The following DQX1 variants were observed in gnomAD, a reference collection of about 807,000 sequenced individuals.
DQX1 encodes the protein DEAQ-box RNA dependent ATPase 1, also known as ATP-dependent RNA helicase homolog DQX1.
DQX1 carries 66 observed loss-of-function variants against 81.3 expected under a neutral mutation model. The observed-to-expected ratio is 0.81, with a 90% CI of 0.67 to 1.00. DQX1 has a LOEUF of 1.00. DQX1 is among the 50% of genes least tolerant of loss of function. The pLI, the probability that DQX1 is intolerant of heterozygous loss-of-function variation, is 0.00. For missense variants in DQX1, 798 were observed against 867.9 expected, an observed-to-expected ratio of 0.92 and a Z score of 1.01; for synonymous variants, 290 against 350.0, an observed-to-expected ratio of 0.83 and a Z score of 1.91.
At chr2:74,522,508 A>G in intron 8 of DQX1, 72 bp downstream of exon 8, 1 of 1,541,504 alleles carries the variant, frequency 6.5e-7, no homozygotes, top group African/African-American at 1.4e-5. Flanking sequence ...GGCTAGCCTC[A>G]GGAGCACCAA....
Position 74,519,625 on chromosome 2 carries a change from T to C in DQX1, c.1737A>G (p.Leu579=). 1.2e-6 allele frequency: 2 copies of C among 1,614,218 alleles called. No individual in the cohort carries two copies. The highest frequency in any genetic ancestry group is 1.7e-6 in the Non-Finnish European group (2 of 1,180,026). The change falls in exon 10 of 12, where the codon CTA becomes CTG. Residue 579 remains leucine, a synonymous_variant. Coordinates refer to ENST00000404568, the MANE Select transcript of DQX1 (RefSeq NM_133637.3). ...LMQRIELPLS[L]PAFGSEQNRR... ...GATTCTGCTCAGAGCCAAAGGCTGG[T>C]AGGGACAAGGGAAGTTCAATTCGTT...
chr2:74,525,276 G>A lies in DQX1; in HGVS notation c.238-74C>T. 7.0e-7 allele frequency: 1 copy of A among 1,424,354 alleles called. No homozygotes were observed. Among genetic ancestry groups the A allele is most frequent in the South Asian group, 1.5e-5 (1 of 68,702 alleles). The allele number at this position is 1,424,354 out of a possible 1,614,324, so 88.2% of individuals were successfully genotyped here. A position where few individuals can be genotyped will look rare whatever the true frequency, so the allele number is the denominator to read the frequency against. The stretch of plus-strand genomic sequence containing the variant: ...CAGTCAGAAGTGCTCAGGGAACTAT[G>A]GCCACTTTAATCTTTCCTTATTTGG... On this transcript the variant is annotated intron_variant, in intron 2 of 11. Coordinates refer to ENST00000404568, the MANE Select transcript of DQX1 (RefSeq NM_133637.3). This position sits in a 1 kb window ranked among gnomAD's most constrained non-coding sequence, Gnocchi z 4.1.
chr2:74,523,356 A>G lies in DQX1; in HGVS notation c.998T>C (p.Leu333Pro), dbSNP rs1288080674. ...GTCGATGACATGTTGGATGGAAGGG[A>G]GGGAGAAGGAGAAGTCAGCCAGCCA... ...THWLADFSFS[L>P]PSIQHVIDSG... is the part of the protein sequence containing the mutation. Residue 333 changes from leucine (L) to proline (P), a missense_variant, in exon 5 of 12, where the codon CTC (leucine) becomes CCC (proline). Transcript: ENST00000404568. The G allele has an allele frequency of 2.2e-5, 36 of 1,614,044 alleles. No individual in the cohort carries two copies. Among genetic ancestry groups the G allele is most frequent in the Non-Finnish European group, 3.1e-5 (36 of 1,180,008 alleles).
chr2:74,519,147 G>A lies in DQX1; in HGVS notation c.1890C>T (p.Tyr630=), dbSNP rs1315213976. ...GTCTGGCAGGAGCTCTGCGGCTTCG[G>A]TAGCAGCAGTATGAGGAGAGCTGGG... ...HVAQLSSYCC[Y]RSRRAPARPP... is the part of the protein sequence containing the mutation. The change falls in exon 11 of 12, where the codon TAC becomes TAT. Residue 630 remains tyrosine, a synonymous_variant. Transcript: ENST00000404568. 3 of 1,613,504 alleles carry A rather than the reference G, an allele frequency of 1.9e-6. No individual in the cohort carries two copies. Among genetic ancestry groups the A allele is most frequent in the South Asian group, 1.1e-5 (1 of 91,020 alleles).
chr2:74,519,380 C>T (rs1004785473), intron 10 of DQX1, 150 bp from the exon 11 acceptor site: 2 of 1,243,524 alleles, frequency 1.6e-6, no homozygotes, highest in Non-Finnish European at 2.2e-6. Context: ...TCTACTATAC[C>T]TCATGGCATT....
At chr2:74,519,470 AC>A in intron 10 of DQX1, 85 bp downstream of exon 10, 1 of 1,525,216 alleles carries the variant, frequency 6.6e-7, no homozygotes, top group Non-Finnish European at 8.9e-7. Context: ...GGCCACCTGG[AC>A]CCTGATTTCA....
At chr2:74,519,274 G>C in intron 10 of DQX1, 44 bp from the exon 11 acceptor site, 1 of 1,518,496 alleles carries the variant, frequency 6.6e-7, no homozygotes, top group Non-Finnish European at 8.8e-7. Flanking sequence ...TAAAAGGGAA[G>C]AGGCAGGCAG....
intron 8 of DQX1, among the ~76,000 whole-genome samples, chr2:74,520,359 T>C (rs1015654649): frequency 6.6e-6 from 1 of 152,206 alleles, no homozygotes; most frequent in Non-Finnish European, 1.5e-5. Flanking sequence ...ATGTGAGTGA[T>C]GTAAGAGAAA....
At position 74,519,935 on chromosome 2, in the gene DQX1, A is replaced by G. The variant is rs762107543; in HGVS notation, c.1595T>C (p.Val532Ala). 4.3e-6 allele frequency: 7 copies of G among 1,614,168 alleles called. No individual in the cohort carries two copies. In the Admixed American group the frequency reaches 1.0e-4, roughly 23 times the overall value. The stretch of plus-strand genomic sequence containing the variant: ...CTCACTTTGTATAAAGGCTTCATAC[A>G]CCTGGATCAGAGAACTGTGGTCACC... ...TDGDHSSLIQVYEAFIQSGAD... is the reference protein window; with the variant it reads ...TDGDHSSLIQAYEAFIQSGAD... The change falls in exon 9 of 12, where the codon GTG becomes GCG. Residue 532 changes from valine (V) to alanine (A), a missense_variant. Val to Ala is a moderately conservative substitution (Grantham distance 64). Transcript: ENST00000404568.
In DQX1 at chr2:74,523,008, C is replaced by T; in HGVS notation, c.1151G>A (p.Cys384Tyr). ...GAAGGACTTAGGATACAGGCAGAGGCAGGATCCTGAGGGGAAAAAGACCTG... is the reference window on the plus strand; with the variant it reads ...GAAGGACTTAGGATACAGGCAGAGGTAGGATCCTGAGGGGAAAAAGACCTG... ...LRARGFPPGS[C>Y]LCLYPKSFLE... Residue 384 changes from cysteine to tyrosine, a missense_variant, in exon 7 of 12, where the codon TGC becomes TAC. Coordinates refer to ENST00000404568, the MANE Select transcript of DQX1 (RefSeq NM_133637.3). The T allele has an allele frequency of 6.2e-7, 1 of 1,614,108 alleles. No homozygotes were observed. Among genetic ancestry groups the T allele is most frequent in the Non-Finnish European group, 8.5e-7 (1 of 1,179,998 alleles).
At chr2:74,521,871 T>C (rs528037458) in intron 8 of DQX1, among the ~76,000 whole-genome samples, 1 of 152,056 alleles carries the variant, frequency 6.6e-6, no homozygotes, top group East Asian at 1.9e-4. Context: ...GGGTGAGAGA[T>C]ACACGGCACA....
chr2:74,524,019 G>T lies in DQX1; in HGVS notation c.720C>A (p.Ile240=), dbSNP rs1370818451. 2.5e-6 allele frequency: 4 copies of T among 1,614,062 alleles called. No homozygotes were observed. Among genetic ancestry groups the T allele is most frequent in the Non-Finnish European group, 3.4e-6 (4 of 1,180,028 alleles). The change falls in exon 4 of 12, where the codon ATC becomes ATA. Residue 240 remains isoleucine (I), a synonymous_variant. Transcript: ENST00000404568. ...AGGCAGCTTCCACCCGATCAGGTGG[G>T]ATGGTGTCCCAGTAGATGGGGGAAG... ...ERPSPIYWDT[I]PPDRVEAACQ...
intron 8 of DQX1, 31 bp downstream of exon 8, chr2:74,522,549 A>G (rs891508045): frequency 1.1e-5 from 18 of 1,592,162 alleles, no homozygotes; most frequent in Non-Finnish European, 1.5e-5. Flanking sequence ...AGTGGTTTCA[A>G]GAGCTATGGA....
At chr2:74,521,648 T>A (rs150706352) in intron 8 of DQX1, among the ~76,000 whole-genome samples, 67 of 145,572 alleles carry the variant, frequency 4.6e-4, no homozygotes, top group African/African-American at 1.3e-3. Flanking sequence ...AGACTTTGTC[T>A]GAAAAAAAAA....
intron 11 of DQX1, 27 bp downstream of exon 11, chr2:74,519,013 G>A (rs1674956715): frequency 1.3e-6 from 2 of 1,550,018 alleles, no homozygotes; most frequent in Admixed American, 1.9e-5. Context: ...GGAATAGGCA[G>A]TATAGGAGGG....
At chr2:74,524,391 G>A (rs1277277916) in intron 3 of DQX1, 84 bp from the exon 4 acceptor site, 14 of 1,504,544 alleles carry the variant, frequency 9.3e-6, no homozygotes, top group South Asian at 6.5e-5. Context: ...CCCAAGGGAC[G>A]TATATTTTGA....
Position 74,525,684 on chromosome 2 carries a change from G to A in DQX1, c.46C>T (p.Pro16Ser). The stretch of plus-strand genomic sequence containing the variant: ...TTCACAGCCAGTTCAGACTCCCCAG[G>A]ACTTGGGCCATACTCTTCTGCTAGC... ...LRLAEEYGPSPGESELAVNPF... is the reference protein window; with the variant it reads ...LRLAEEYGPSSGESELAVNPF... Residue 16 changes from proline (P) to serine (S), a missense_variant, in exon 2 of 12, where the codon CCT becomes TCT. By Grantham distance (74) the Pro-to-Ser change is moderately conservative. Transcript: ENST00000404568. This position sits in a 1 kb window ranked among gnomAD's most constrained non-coding sequence, Gnocchi z 4.1. 6.4e-7 allele frequency: 1 copy of A among 1,551,706 alleles called. No homozygotes were observed. Among genetic ancestry groups the A allele is most frequent in the Non-Finnish European group, 8.7e-7 (1 of 1,146,998 alleles).
Position 74,525,063 on chromosome 2 carries a change from T to G in DQX1, c.377A>C (p.Glu126Ala). Residue 126 changes from glutamate (E) to alanine (A), a missense_variant, in exon 3 of 12, where the codon GAG becomes GCG. Transcript: ENST00000404568. This position sits in a 1 kb window ranked among gnomAD's most constrained non-coding sequence, Gnocchi z 4.1. ...ADEMDLTLGH[E>A]VGYSIPQEDC... ...CTCCTGGGGGATGCTGTATCCAACC[T>G]CATGACCCAGGGTCAGGTCCATCTC... The G allele has an allele frequency of 6.2e-7, 1 of 1,614,068 alleles. No individual in the cohort carries two copies. Among genetic ancestry groups the G allele is most frequent in the Non-Finnish European group, 8.5e-7 (1 of 1,179,982 alleles).
chr2:74,522,614 C>T lies in DQX1; in HGVS notation c.1461G>A (p.Val487=). Residue 487 remains valine, a synonymous_variant, in exon 8 of 12, where the codon GTG becomes GTA. Transcript: ENST00000404568. ...TGGCAGCCAGGGTGAGCATCTCGTC[C>T]ACACAGTCAAACTCGCATGAGGCCA... ...ALLASCEFDC[V]DEMLTLAAML... 2.5e-6 allele frequency: 4 copies of T among 1,614,086 alleles called. No individual in the cohort carries two copies. Among genetic ancestry groups the T allele is most frequent in the Non-Finnish European group, 3.4e-6 (4 of 1,179,996 alleles).
Sources: gnomAD v4.1 joint callset for allele counts (sites outside exome capture counted in the v4.1 genomes callset) on GRCh38, gnomAD v4.1.1 for gene constraint, Gnocchi (gnomAD v3.1) non-coding constraint, MANE v1.5 for transcripts, NCBI Gene and HGNC (gene_info 2026-07-23, HGNC 2026-07-21) for gene names.